The following ERBB4 variants were observed in gnomAD, a reference collection of about 807,000 sequenced individuals.
ERBB4 encodes receptor tyrosine-protein kinase erbB-4.
Under a neutral mutation model 158.0 loss-of-function variants are expected in ERBB4, and 42 were observed. That is an observed-to-expected ratio of 0.27 (90% CI 0.21 to 0.34). The LOEUF (loss-of-function observed/expected upper bound fraction) is 0.34, where lower values mean the gene tolerates loss of function less well. Ranked by LOEUF, ERBB4 falls within the 10% of genes least tolerant of loss-of-function variation. The probability of loss-of-function intolerance (pLI) is 1.00; values close to 1 mark genes in which losing one functional copy is unlikely to be tolerated. For synonymous variants in ERBB4, 583 were observed against 558.7 expected, an observed-to-expected ratio of 1.04 and a Z score of -0.61; for missense variants, 1,333 against 1,624.1, an observed-to-expected ratio of 0.82 and a Z score of 3.08.
chr2:211,773,525 G>A (rs1189578235), intron 4 of ERBB4, among the ~76,000 whole-genome samples: 5 of 143,040 alleles, frequency 3.5e-5, no homozygotes, highest in African/African-American at 1.3e-4. Flanking sequence ...ACCACCTGGA[G>A]GTCAGGTTAA....
intron 2 of ERBB4, among the ~76,000 whole-genome samples, chr2:211,963,894 T>G (rs892306196): frequency 1.3e-5 from 2 of 152,214 alleles, no homozygotes; most frequent in African/African-American, 4.8e-5. Flanking sequence ...CTCCAACCTG[T>G]ACCCAGTAAC....
In ERBB4 at chr2:212,020,530, AT is replaced by A. The variant is rs553819684; in HGVS notation, c.235-72915del. On this transcript the variant is annotated intron_variant, in intron 2 of 27. Coordinates refer to ENST00000342788, the MANE Select transcript of ERBB4 (RefSeq NM_005235.3). ...GGTTAACTTATATATCTATTGGTAT[AT>A]ACGTTTGCTCTTTCTTTTACTTATA... Among the ~76,000 whole-genome samples, 3 of 152,228 alleles carry A rather than the reference AT, an allele frequency of 2.0e-5. No individual in the cohort carries two copies. In the South Asian group the frequency reaches 6.2e-4, roughly 32 times the overall value.
At chr2:211,477,765 AG>A (rs1228705804) in intron 20 of ERBB4, among the ~76,000 whole-genome samples, 1 of 152,176 alleles carries the variant, frequency 6.6e-6, no homozygotes. Flanking sequence ...AAATTTGCTA[AG>A]AATTTTAAGT....
chr2:212,448,011 T>G (rs1176591179), intron 1 of ERBB4, among the ~76,000 whole-genome samples: 1 of 152,148 alleles, frequency 6.6e-6, no homozygotes, highest in African/African-American at 2.4e-5. Flanking sequence ...TAGAATGTCA[T>G]GTTAACCTGT....
intron 19 of ERBB4, among the ~76,000 whole-genome samples, chr2:211,569,797 G>A (rs1015965634): frequency 6.6e-6 from 1 of 152,214 alleles, no homozygotes; most frequent in Non-Finnish European, 1.5e-5. Flanking sequence ...ACCAAGTCAT[G>A]TAGGGCCTTG....
chr2:211,789,364 C>T (rs969731290), intron 3 of ERBB4, among the ~76,000 whole-genome samples: 1 of 152,132 alleles, frequency 6.6e-6, no homozygotes, highest in Non-Finnish European at 1.5e-5. Flanking sequence ...ATCTGTTCTG[C>T]CATCCTCAGT....
chr2:212,409,349 G>A (rs2091434741), intron 1 of ERBB4, among the ~76,000 whole-genome samples: 1 of 152,070 alleles, frequency 6.6e-6, no homozygotes, highest in Non-Finnish European at 1.5e-5. Context: ...GTGGAGATAT[G>A]GAGATGTGGA....
intron 1 of ERBB4, among the ~76,000 whole-genome samples, chr2:212,504,993 A>G (rs559644177): frequency 1.5e-3 from 230 of 152,354 alleles, no homozygotes; most frequent in African/African-American, 5.4e-3. Context: ...TAGTAATACA[A>G]TGCATTCTTA....
At position 211,636,645 on chromosome 2, in the gene ERBB4, T is replaced by A. The variant is rs371980004; in HGVS notation, c.1947-6051A>T. 1.5e-3 allele frequency among the ~76,000 whole-genome samples: 226 copies of A among 152,002 alleles called. 1 individual carries two copies. The highest frequency in any genetic ancestry group is 5.2e-3 in the African/African-American group (217 of 41,528). On this transcript the variant is annotated intron_variant, in intron 16 of 27. Transcript: ENST00000342788. ...GCCTCTATGTGAGCAATAAATCAAA[T>A]GTTTATCCTACATTTAGCCCAATCT...
At chr2:212,326,836 T>G (rs10204020) in intron 1 of ERBB4, among the ~76,000 whole-genome samples, 104,564 of 150,538 alleles carry the variant, frequency 0.69, 38,095 homozygotes, top group Middle Eastern at 0.76. Flanking sequence ...TGTGTGCATG[T>G]GCACATGTAT....
chr2:211,544,613 G>C (rs1364872300), intron 20 of ERBB4, among the ~76,000 whole-genome samples: 2 of 151,948 alleles, frequency 1.3e-5, no homozygotes, highest in Non-Finnish European at 2.9e-5. Flanking sequence ...ACAAGAGTGA[G>C]AAAATAATAA....
intron 16 of ERBB4, among the ~76,000 whole-genome samples, chr2:211,656,514 A>C (rs913892084): frequency 6.6e-6 from 1 of 152,254 alleles, no homozygotes; most frequent in Non-Finnish European, 1.5e-5. Flanking sequence ...ATTTATATAC[A>C]GTAAAACATA....
At chr2:212,071,241 T>C (rs2125445810) in intron 2 of ERBB4, among the ~76,000 whole-genome samples, 1 of 151,822 alleles carries the variant, frequency 6.6e-6, no homozygotes, top group South Asian at 2.1e-4. Flanking sequence ...TCTGATCTGG[T>C]CCATACCTAT....
chr2:211,718,068 C>A (rs574085811), intron 7 of ERBB4, among the ~76,000 whole-genome samples: 1 of 152,004 alleles, frequency 6.6e-6, no homozygotes, highest in Admixed American at 6.5e-5. Flanking sequence ...TGTGCCACCA[C>A]GACCGGATAA....
intron 19 of ERBB4, among the ~76,000 whole-genome samples, chr2:211,578,206 G>A (rs1209197834): frequency 6.6e-6 from 1 of 152,072 alleles, no homozygotes; most frequent in East Asian, 1.9e-4. Context: ...ATTCACAATT[G>A]CTACAAACAG....
intron 20 of ERBB4, among the ~76,000 whole-genome samples, chr2:211,434,812 CGTAA>C (rs2063816035): frequency 1.3e-5 from 2 of 152,264 alleles, no homozygotes; most frequent in East Asian, 1.9e-4. Flanking sequence ...GCAATAAGAA[CGTAA>C]GTATCTATAT....
At chr2:211,611,151 G>A (rs2125832071) in intron 19 of ERBB4, among the ~76,000 whole-genome samples, 1 of 152,196 alleles carries the variant, frequency 6.6e-6, no homozygotes, top group Admixed American at 6.5e-5. Flanking sequence ...CTTCCCTAAG[G>A]GGACTTTCCC....
intron 1 of ERBB4, among the ~76,000 whole-genome samples, chr2:212,212,788 A>C (rs934127306): frequency 2.0e-5 from 3 of 151,964 alleles, no homozygotes; most frequent in Non-Finnish European, 2.9e-5. Flanking sequence ...TCTGATCTTC[A>C]ACAAACCTGA....
At chr2:212,104,643 T>C (rs987119717) in intron 2 of ERBB4, among the ~76,000 whole-genome samples, 3 of 152,080 alleles carry the variant, frequency 2.0e-5, no homozygotes, top group African/African-American at 7.2e-5. Flanking sequence ...ATTCAGCTAA[T>C]AAGTGAGGTC....
Sources: gnomAD v4.1 joint callset for allele counts (sites outside exome capture counted in the v4.1 genomes callset) on GRCh38, gnomAD v4.1.1 for gene constraint, MANE v1.5 for transcripts, NCBI Gene and HGNC (gene_info 2026-07-23, HGNC 2026-07-21) for gene names.